Variants in IGSF3 observed in about 807,000 individuals in gnomAD.
The protein encoded by IGSF3 is immunoglobulin superfamily member 3.
In IGSF3, 23 loss-of-function variants were observed where a neutral mutation model predicts 114.4. That is an observed-to-expected ratio of 0.20 (90% CI 0.14 to 0.28). IGSF3 has a LOEUF of 0.28. Among genes scored for constraint, IGSF3 ranks in the 10% least tolerant of loss-of-function variants. The probability of loss-of-function intolerance (pLI) is 1.00; values close to 1 mark genes in which losing one functional copy is unlikely to be tolerated. For missense variants in IGSF3, 1,172 were observed against 1,591.5 expected, an observed-to-expected ratio of 0.74 and a Z score of 4.48; for synonymous variants, 571 against 645.2, an observed-to-expected ratio of 0.88 and a Z score of 1.74.
chr1:116,627,349 ACT>A lies in IGSF3; in HGVS notation c.44-10894_44-10893del, dbSNP rs2101034219. On this transcript the variant is annotated intron_variant, in intron 2 of 10. Transcript: ENST00000369486. This position sits in a 1 kb window ranked among gnomAD's most constrained non-coding sequence, Gnocchi z 4.7. ...ACCTAGGATACCCCAGTTTCTCCAG[ACT>A]CTCAGTCTGGTCCCCAGATTTTCAG... 6.6e-6 allele frequency among the ~76,000 whole-genome samples: 1 copy of A among 151,852 alleles called. No homozygotes were observed. Among genetic ancestry groups the A allele is most frequent in the African/African-American group, 2.4e-5 (1 of 41,404 alleles).
chr1:116,666,400 T>A lies in IGSF3; in HGVS notation c.-74A>T. On this transcript the variant is annotated 5_prime_UTR_variant, in exon 2 of 11. Coordinates refer to ENST00000369486, the MANE Select transcript of IGSF3 (RefSeq NM_001007237.3). ...GCTCCTAATCTCTCATTTCTGGCAA[T>A]CCACTTATAGCTCCAGAGAACAGTT... is the stretch of plus-strand genomic sequence containing the variant. The A allele has an allele frequency of 7.4e-7, 1 of 1,352,250 alleles. No homozygotes were observed. The highest frequency in any genetic ancestry group is 1.1e-6 in the Non-Finnish European group (1 of 941,012). 83.8% of individuals were successfully genotyped at this position (1,352,250 alleles called of 1,614,324 possible). A position where few individuals can be genotyped will look rare whatever the true frequency, so the allele number is the denominator to read the frequency against.
At position 116,627,504 on chromosome 1, in the gene IGSF3, C is replaced by T. The variant is rs750434982; in HGVS notation, c.44-11047G>A. Among the ~76,000 whole-genome samples, 1 of 152,182 alleles carries T rather than the reference C, an allele frequency of 6.6e-6. No individual in the cohort carries two copies. Among genetic ancestry groups the T allele is most frequent in the African/African-American group, 2.4e-5 (1 of 41,438 alleles). On this transcript the variant is annotated intron_variant, in intron 2 of 10. Transcript: ENST00000369486. The surrounding 1 kb of genome is among the most constrained non-coding windows in gnomAD (Gnocchi z 4.7). The stretch of plus-strand genomic sequence containing the variant: ...CACTCAGCACTGCCTGCACCTCCTC[C>T]TGGAGCTGGCAGGGCCCCAGCAGTG...
Position 116,642,555 on chromosome 1 carries a change from TA to T in IGSF3, c.43+23728del, listed in dbSNP as rs1326350746. ...AGCAAAATTTGGCCTAGAACGGAGCTAAAAACTGTCATAGTGGTGGGAAGAA... is the reference window on the plus strand; with the variant it reads ...AGCAAAATTTGGCCTAGAACGGAGCTAAAACTGTCATAGTGGTGGGAAGAA... On this transcript the variant is annotated intron_variant, in intron 2 of 10. Coordinates refer to ENST00000369486, the MANE Select transcript of IGSF3 (RefSeq NM_001007237.3). This position sits in a 1 kb window ranked among gnomAD's most constrained non-coding sequence, Gnocchi z 5.4. Among the ~76,000 whole-genome samples the T allele has an allele frequency of 6.6e-6, 1 of 152,152 alleles. No homozygotes were observed. The highest frequency in any genetic ancestry group is 1.5e-5 in the Non-Finnish European group (1 of 68,024).
rs150803361 is a variant in IGSF3, at chr1:116,650,525, A to T, written c.43+15759T>A. ...GCTCAGCTCAATCAGCACGTACCCT[A>T]GAGCTGGAGGCAGGGTCACCTTTCC... On this transcript the variant is annotated intron_variant, in intron 2 of 10. Transcript: ENST00000369486. This position sits in a 1 kb window ranked among gnomAD's most constrained non-coding sequence, Gnocchi z 5.0. Among the ~76,000 whole-genome samples the T allele has an allele frequency of 2.4e-4, 37 of 152,304 alleles. No homozygotes were observed. The highest frequency in any genetic ancestry group is 8.7e-4 in the African/African-American group (36 of 41,570).
intron 5 of IGSF3, chr1:116,606,388 T>C (rs973623876): frequency 2.6e-6 from 4 of 1,523,368 alleles, no homozygotes; most frequent in South Asian, 1.2e-5. Context: ...AAGGAGATGA[T>C]ATATGCAGAA....
chr1:116,586,448 A>G (rs1162647207), intron 8 of IGSF3, among the ~76,000 whole-genome samples: 3 of 152,030 alleles, frequency 2.0e-5, no homozygotes, highest in Non-Finnish European at 4.4e-5. Context: ...CTTTCTCAGC[A>G]GGGAAAAGGA....
chr1:116,611,034 CCT>C (rs1661000719), intron 4 of IGSF3, among the ~76,000 whole-genome samples: 1 of 152,214 alleles, frequency 6.6e-6, no homozygotes, highest in African/African-American at 2.4e-5. Context: ...CAGTTGGACC[CCT>C]CCTTCCACTT....
rs758171766 is a variant in IGSF3, at chr1:116,585,013, G to A, written c.2480C>T (p.Ser827Leu). ...LRLSQAQGNL[S>L]VLETRQVQLE... ...CTGTACCTGCCGGGTCTCCAGAACC[G>A]ACAGGTTCCCCTGGGCTTGGCTGAG... Residue 827 changes from serine (S) to leucine (L), a missense_variant, in exon 9 of 11, where the codon TCG becomes TTG. By Grantham distance (145) the Ser-to-Leu change is moderately radical (BLOSUM62 -2). This residue lies in a region of IGSF3 where 423 missense variants were observed against 509.8 expected (regional missense o/e 0.83). Coordinates refer to ENST00000369486, the MANE Select transcript of IGSF3 (RefSeq NM_001007237.3). The surrounding 1 kb of genome is among the most constrained non-coding windows in gnomAD (Gnocchi z 4.9). 1.1e-5 allele frequency: 17 copies of A among 1,565,096 alleles called. No homozygotes were observed. Among genetic ancestry groups the A allele is most frequent in the South Asian group, 2.4e-5 (2 of 83,770 alleles).
Position 116,634,419 on chromosome 1 carries a change from C to A in IGSF3, c.44-17962G>T, listed in dbSNP as rs1389665625. Among the ~76,000 whole-genome samples, 5 of 151,616 alleles carry A rather than the reference C, an allele frequency of 3.3e-5. No homozygotes were observed. The highest frequency in any genetic ancestry group is 2.6e-4 in the Admixed American group (4 of 15,250). Reference sequence around the variant, plus strand: ...CCCATCCTCACTCGTTCACATCTGCCTTGGAGCACCCACAGCAAGCCTGGC... The same window carrying A: ...CCCATCCTCACTCGTTCACATCTGCATTGGAGCACCCACAGCAAGCCTGGC... On this transcript the variant is annotated intron_variant, in intron 2 of 10. Transcript: ENST00000369486. This position sits in a 1 kb window ranked among gnomAD's most constrained non-coding sequence, Gnocchi z 4.2.
rs1187137560 is a variant in IGSF3, at chr1:116,657,740, A to G, written c.43+8544T>C. On this transcript the variant is annotated intron_variant, in intron 2 of 10. Transcript: ENST00000369486. This position sits in a 1 kb window ranked among gnomAD's most constrained non-coding sequence, Gnocchi z 4.2. ...CCAGTGCCCTGCCGAGAGCAGAGAC[A>G]GTGTTCTCAGAGTTGCTATCAAAAA... 6.6e-6 allele frequency among the ~76,000 whole-genome samples: 1 copy of G among 152,184 alleles called. No individual in the cohort carries two copies. Among genetic ancestry groups the G allele is most frequent in the Non-Finnish European group, 1.5e-5 (1 of 68,042 alleles).
rs903938220 is a variant in IGSF3, at chr1:116,647,487, C to A, written c.43+18797G>T. Among the ~76,000 whole-genome samples, 1 of 152,222 alleles carries A rather than the reference C, an allele frequency of 6.6e-6. No homozygotes were observed. The highest frequency in any genetic ancestry group is 1.5e-5 in the Non-Finnish European group (1 of 68,042). ...GGCTCTGCTCAACAATAATGACAAC[C>A]ACCATTTATTGAGCCCTTACTATGT... On this transcript the variant is annotated intron_variant, in intron 2 of 10. Coordinates refer to ENST00000369486, the MANE Select transcript of IGSF3 (RefSeq NM_001007237.3). This position sits in a 1 kb window ranked among gnomAD's most constrained non-coding sequence, Gnocchi z 4.6.
In IGSF3 at chr1:116,666,672, C is replaced by T. The variant is rs1029616453; in HGVS notation, c.-346G>A. 5.4e-6 allele frequency: 3 copies of T among 555,346 alleles called. No individual in the cohort carries two copies. The highest frequency in any genetic ancestry group is 9.5e-6 in the Non-Finnish European group (3 of 317,242). The allele number at this position is 555,346 out of a possible 1,614,324, so 34.4% of individuals were successfully genotyped here. ...CACGGAAAAAAGGGTCTGAGAAAAT[C>T]CTTTCATCCACTGATTATACAGAAA... On this transcript the variant is annotated 5_prime_UTR_variant, in exon 2 of 11. Coordinates refer to ENST00000369486, the MANE Select transcript of IGSF3 (RefSeq NM_001007237.3).
chr1:116,580,162 A>T (rs759895341), intron 9 of IGSF3, among the ~76,000 whole-genome samples: 10 of 152,228 alleles, frequency 6.6e-5, no homozygotes, highest in Non-Finnish European at 1.5e-4. Flanking sequence ...AAGAATTCAT[A>T]AGAAGCTGGT....
intron 2 of IGSF3, among the ~76,000 whole-genome samples, chr1:116,640,766 G>A (rs1184047902): frequency 2.0e-5 from 3 of 152,118 alleles, no homozygotes; most frequent in African/African-American, 7.2e-5. Context: ...TCATCCAAGG[G>A]TATCTTCAAC....
At chr1:116,587,179 A>G (rs1659883687) in intron 8 of IGSF3, among the ~76,000 whole-genome samples, 1 of 152,198 alleles carries the variant, frequency 6.6e-6, no homozygotes, top group African/African-American at 2.4e-5. Flanking sequence ...AGGAGGCTTC[A>G]ATTCTAGTAG....
chr1:116,652,316 G>A (rs1206443321), intron 2 of IGSF3, among the ~76,000 whole-genome samples: 1 of 152,198 alleles, frequency 6.6e-6, no homozygotes. Context: ...TCCTAAAGCA[G>A]TATCCCCTAA....
rs147220621 is a variant in IGSF3 at position 116,582,461 on chromosome 1, G to T, written c.2848+2184C>A. ...TCGACTCATCTGCAATCTTAGTGAG[G>T]ATGGGAGCCCTTCATTCCATGTATT... On this transcript the variant is annotated intron_variant, in intron 9 of 10. Coordinates refer to ENST00000369486, the MANE Select transcript of IGSF3 (RefSeq NM_001007237.3). The surrounding 1 kb of genome is among the most constrained non-coding windows in gnomAD (Gnocchi z 4.7). Among the ~76,000 whole-genome samples the T allele has an allele frequency of 3.3e-4, 51 of 152,310 alleles. No homozygotes were observed. The highest frequency in any genetic ancestry group is 1.2e-3 in the African/African-American group (49 of 41,570).
rs1209726645 is a variant in IGSF3 at position 116,595,682 on chromosome 1, T to C, written c.2029+4259A>G. 2.0e-5 allele frequency among the ~76,000 whole-genome samples: 3 copies of C among 152,232 alleles called. No homozygotes were observed. Among genetic ancestry groups the C allele is most frequent in the African/African-American group, 7.2e-5 (3 of 41,454 alleles). On this transcript the variant is annotated intron_variant, in intron 7 of 10. Transcript: ENST00000369486. This position sits in a 1 kb window ranked among gnomAD's most constrained non-coding sequence, Gnocchi z 4.2. ...GGAAGCTTGTTTATGGCTTTGTCAA[T>C]TTTAATGTACAATATTTAATAGCCA...
rs891771924 is a variant in IGSF3, at chr1:116,615,318, G to C, written c.421+762C>G. ...ACACACACACACACGAAAAAAAAAA[G>C]GTCTCCTGCTGGGACACAGACTAGT... On this transcript the variant is annotated intron_variant, in intron 3 of 10. Transcript: ENST00000369486. The surrounding 1 kb of genome is among the most constrained non-coding windows in gnomAD (Gnocchi z 4.3). Among the ~76,000 whole-genome samples the C allele has an allele frequency of 6.6e-6, 1 of 150,844 alleles. No individual in the cohort carries two copies. The highest frequency in any genetic ancestry group is 2.4e-5 in the African/African-American group (1 of 40,962).
Sources: gnomAD v4.1 joint callset for allele counts (sites outside exome capture counted in the v4.1 genomes callset) on GRCh38, gnomAD v4.1.1 for gene constraint, gnomAD v4.1.1 regional missense constraint, Gnocchi (gnomAD v3.1) non-coding constraint, MANE v1.5 for transcripts, NCBI Gene and HGNC (gene_info 2026-07-23, HGNC 2026-07-21) for gene names.